Variants in PDE8A observed in about 807,000 individuals in gnomAD.
The protein encoded by PDE8A is phosphodiesterase 8A.
In PDE8A, 59 loss-of-function variants were observed where a neutral mutation model predicts 105.0. The observed-to-expected ratio is 0.56, with a 90% CI of 0.46 to 0.70. The LOEUF is 0.70. PDE8A is among the 30% of genes least tolerant of loss of function. The probability of loss-of-function intolerance (pLI) is 0.00; values close to 1 mark genes in which losing one functional copy is unlikely to be tolerated. For synonymous variants in PDE8A, 355 were observed against 371.9 expected (o/e 0.95, Z 0.52); for missense variants, 1,014 against 1,045.9 (o/e 0.97, Z 0.42).
chr15:84,994,962 CA>C lies in PDE8A; in HGVS notation c.186+12626del, dbSNP rs11439217. On this transcript the variant is annotated intron_variant, in intron 1 of 21. Transcript: ENST00000394553. The stretch of plus-strand genomic sequence containing the variant: ...GGGCAACAAGGGCGAAACTCTGTCT[CA>C]AAAAAAAAAAAGAGAGAAAAAGCAA... Among the ~76,000 whole-genome samples, 598 of 141,124 alleles carry C rather than the reference CA, an allele frequency of 4.2e-3. 2 individuals carry two copies. The highest frequency in any genetic ancestry group is 0.013 in the African/African-American group (490 of 38,474). The allele number at this position is 141,124 out of a possible 152,430, so 92.6% of individuals were successfully genotyped here.
Position 85,113,914 on chromosome 15 carries a change from G to T in PDE8A, c.1227G>T (p.Met409Ile), listed in dbSNP as rs1441402478. ...IINAAQESSP[M>I]PVTEALDRVL... ...ATGCTGCCCAGGAAAGTAGTCCCAT[G>T]CCTGTGACAGAAGCCCTAGACCGTG... is the stretch of plus-strand genomic sequence containing the variant. Residue 409 changes from methionine to isoleucine, a missense_variant, in exon 14 of 22, where the codon ATG (methionine) becomes ATT (isoleucine). Met to Ile is a conservative substitution (Grantham distance 10). Transcript: ENST00000394553. The T allele has an allele frequency of 6.2e-7, 1 of 1,613,430 alleles. No homozygotes were observed. Among genetic ancestry groups the T allele is most frequent in the African/African-American group, 1.3e-5 (1 of 75,042 alleles).
chr15:85,019,943 G>GTTTTTTTTTTTTT (rs201634002), intron 1 of PDE8A, among the ~76,000 whole-genome samples: 13 of 64,756 alleles, frequency 2.0e-4, no homozygotes, highest in East Asian at 5.8e-4. Context: ...TTTTTTTTTG[G>GTTTTTTTTTTTTT]TTTTTTTTTT....
At chr15:85,099,786 T>A in intron 9 of PDE8A, 1 of 517,714 alleles carries the variant, frequency 1.9e-6, no homozygotes, top group Non-Finnish European at 3.4e-6. Flanking sequence ...TCATGATTAA[T>A]TGGGAAGAAT....
intron 1 of PDE8A, among the ~76,000 whole-genome samples, chr15:84,986,096 G>A (rs938248579): frequency 2.6e-5 from 4 of 152,086 alleles, no homozygotes; most frequent in Non-Finnish European, 5.9e-5. Context: ...GCATGGCACC[G>A]CACACCTTTA....
At chr15:85,116,217 C>A in intron 16 of PDE8A, 98 bp downstream of exon 16, 2 of 1,314,144 alleles carry the variant, frequency 1.5e-6, no homozygotes, top group Non-Finnish European at 2.1e-6. Context: ...AGCCTGGTAC[C>A]TGGTCAGGGT....
chr15:85,105,178 G>C (rs952331100), intron 11 of PDE8A, among the ~76,000 whole-genome samples: 7 of 152,058 alleles, frequency 4.6e-5, no homozygotes, highest in Admixed American at 2.6e-4. Context: ...TGGGCTACCA[G>C]GGTTGGGGCC....
chr15:85,124,100 G>A (rs745621217), intron 19 of PDE8A, among the ~76,000 whole-genome samples: 7 of 152,170 alleles, frequency 4.6e-5, no homozygotes, highest in Non-Finnish European at 1.0e-4. Flanking sequence ...TCACAAGGGT[G>A]ACATTATTGT....
chr15:85,092,553 C>G (rs548543750), intron 8 of PDE8A, among the ~76,000 whole-genome samples: 9 of 152,144 alleles, frequency 5.9e-5, no homozygotes, highest in African/African-American at 2.2e-4. Context: ...GTTACCATGA[C>G]CACCTCAATC....
At position 85,126,370 on chromosome 15, in the gene PDE8A, C is replaced by G. The variant is rs189984804; in HGVS notation, c.2249C>G (p.Ser750Cys). The G allele has an allele frequency of 3.2e-6, 5 of 1,573,132 alleles. No individual in the cohort carries two copies. The African/African-American group carries it at 6.8e-5, about 21-fold the overall frequency. The part of the protein sequence containing the change: ...WAARISEEYF[S>C]QTDEEKQQGL... ...GCACGCATTTCGGAAGAATATTTTT[C>G]TCAGGTAAGTTGCTGCCTCTTTTAA... The change falls in exon 20 of 22, where the codon TCT becomes TGT. Residue 750 changes from serine to cysteine, a missense_variant. Physicochemically the swap from Ser to Cys is moderately radical, Grantham distance 112 (BLOSUM62 -1). Coordinates refer to ENST00000394553, the MANE Select transcript of PDE8A (RefSeq NM_002605.3).
At chr15:85,095,563 C>T (rs893762464) in intron 8 of PDE8A, among the ~76,000 whole-genome samples, 1 of 152,150 alleles carries the variant, frequency 6.6e-6, no homozygotes, top group Non-Finnish European at 1.5e-5. Flanking sequence ...AGGCTGGTCT[C>T]TCAAACTCCT....
intron 8 of PDE8A, among the ~76,000 whole-genome samples, chr15:85,093,121 T>G (rs1468026311): frequency 1.3e-5 from 2 of 152,110 alleles, no homozygotes; most frequent in Non-Finnish European, 2.9e-5. Context: ...TCCAGGTTGG[T>G]CTCGAACTCC....
At chr15:85,015,653 C>T (rs1192937071) in intron 1 of PDE8A, among the ~76,000 whole-genome samples, 5 of 152,148 alleles carry the variant, frequency 3.3e-5, no homozygotes, top group Non-Finnish European at 5.9e-5. Context: ...TATCATTTTA[C>T]TTCTCATATC....
intron 1 of PDE8A, among the ~76,000 whole-genome samples, chr15:85,034,325 C>T (rs550446550): frequency 1.5e-4 from 23 of 152,002 alleles, no homozygotes; most frequent in African/African-American, 3.1e-4. Context: ...GGAATCTAGT[C>T]GAAGATAAAC....
In PDE8A at chr15:85,135,653, C is replaced by T. The variant is rs529154692; in HGVS notation, c.2254-881C>T. 4.6e-5 allele frequency among the ~76,000 whole-genome samples: 7 copies of T among 152,330 alleles called. No homozygotes were observed. In the South Asian group the frequency reaches 1.5e-3, roughly 32 times the overall value. On this transcript the variant is annotated intron_variant, in intron 20 of 21. Transcript: ENST00000394553. ...CACAGGGGCTTCTAAAGAATGCACT[C>T]AGGACTTCTGGCCTCATTCCCACCC...
rs925768522 is a variant in PDE8A at position 85,137,968 on chromosome 15, C to G, written c.*65C>G. 4.0e-4 allele frequency: 403 copies of G among 1,005,184 alleles called. 4 individuals carry two copies. In the East Asian group the frequency reaches 9.7e-3, roughly 24 times the overall value. The allele number at this position is 1,005,184 out of a possible 1,614,324, so 62.3% of individuals were successfully genotyped here. A position where few individuals can be genotyped will look rare whatever the true frequency, so the allele number is the denominator to read the frequency against. ...GGTCATTTGGAATTCCTGAGGGCAG[C>G]CAGAGCTCCTTGGTCCTTTCAGTAC... On this transcript the variant is annotated 3_prime_UTR_variant, in exon 22 of 22. Transcript: ENST00000394553.
intron 8 of PDE8A, 70 bp downstream of exon 8, chr15:85,091,251 G>A: frequency 7.7e-7 from 1 of 1,301,228 alleles, no homozygotes. Flanking sequence ...TGTTCATTGA[G>A]TACTACCAGG....
chr15:85,048,421 C>T (rs11856330), intron 1 of PDE8A, among the ~76,000 whole-genome samples: 82,680 of 151,896 alleles, frequency 0.54, 22,579 homozygotes, highest in East Asian at 0.57. Context: ...GACTGAGACA[C>T]CAATTCATAT....
At chr15:85,051,990 A>C (rs2080982420) in intron 1 of PDE8A, among the ~76,000 whole-genome samples, 3 of 132,168 alleles carry the variant, frequency 2.3e-5, no homozygotes, top group Admixed American at 7.8e-5. Context: ...ACCCCACAGC[A>C]GGCCCCGGTG....
intron 17 of PDE8A, chr15:85,120,358 A>C (rs2082162817): frequency 6.6e-6 from 1 of 152,452 alleles, no homozygotes; most frequent in African/African-American, 2.4e-5. Context: ...CTCTGACATC[A>C]ACCTGACAAA....
Sources: gnomAD v4.1 joint callset for allele counts (sites outside exome capture counted in the v4.1 genomes callset) on GRCh38, gnomAD v4.1.1 for gene constraint, MANE v1.5 for transcripts, NCBI Gene and HGNC (gene_info 2026-07-23, HGNC 2026-07-21) for gene names.